Variants in TMEM200A observed in about 807,000 individuals in gnomAD.
The protein encoded by TMEM200A is transmembrane protein 200A.
In TMEM200A, 12 loss-of-function variants were observed where a neutral mutation model predicts 24.3. The observed-to-expected ratio is 0.49, with a 90% CI of 0.32 to 0.80. The LOEUF (loss-of-function observed/expected upper bound fraction) is 0.80. Ranked by LOEUF, TMEM200A falls within the 30% of genes least tolerant of loss-of-function variation. TMEM200A has a pLI of 0.04. For missense variants in TMEM200A, 545 were observed against 614.4 expected (o/e 0.89, Z 1.19); for synonymous variants, 224 against 224.4 (o/e 1.00, Z 0.02).
rs1251855657 is a variant in TMEM200A at position 130,442,192 on chromosome 6, A to C, written c.*294A>C. 2 of 265,534 alleles carry C rather than the reference A, an allele frequency of 7.5e-6. No homozygotes were observed. Among genetic ancestry groups the C allele is most frequent in the Non-Finnish European group, 1.5e-5 (2 of 131,232 alleles). 16.4% of individuals were successfully genotyped at this position (265,534 alleles called of 1,614,324 possible). A position where few individuals can be genotyped will look rare whatever the true frequency, so the allele number is the denominator to read the frequency against. ...ATTAAAGCTTATTTTCTTTACTTTTAAGTTCTTTGATTGCCCTATTCATAA... is the reference window on the plus strand; with the variant it reads ...ATTAAAGCTTATTTTCTTTACTTTTCAGTTCTTTGATTGCCCTATTCATAA... On this transcript the variant is annotated 3_prime_UTR_variant, in exon 3 of 3. Coordinates refer to ENST00000296978, the MANE Select transcript of TMEM200A (RefSeq NM_001258277.2).
At chr6:130,375,385 CTT>C (rs1778430099) in intron 1 of TMEM200A, among the ~76,000 whole-genome samples, 1 of 152,136 alleles carries the variant, frequency 6.6e-6, no homozygotes, top group South Asian at 2.1e-4. Flanking sequence ...AAAAAGTAAA[CTT>C]GGCTCAGGAG....
At chr6:130,422,222 C>T (rs1583218092) in intron 2 of TMEM200A, among the ~76,000 whole-genome samples, 1 of 152,076 alleles carries the variant, frequency 6.6e-6, no homozygotes, top group South Asian at 2.1e-4. Flanking sequence ...TATCTTTTGT[C>T]TTTTTGGTAA....
Position 130,442,721 on chromosome 6 carries a change from A to G in TMEM200A, c.*823A>G, listed in dbSNP as rs1583242617. ...ACAATGTTGACTAATGAATTAAGATACATTATATACTAGTTAATGCTAACT... is the reference window on the plus strand; with the variant it reads ...ACAATGTTGACTAATGAATTAAGATGCATTATATACTAGTTAATGCTAACT... On this transcript the variant is annotated 3_prime_UTR_variant, in exon 3 of 3. Coordinates refer to ENST00000296978, the MANE Select transcript of TMEM200A (RefSeq NM_001258277.2). The G allele has an allele frequency of 6.0e-6, 1 of 167,132 alleles. No individual in the cohort carries two copies. The highest frequency in any genetic ancestry group is 1.5e-5 in the Non-Finnish European group (1 of 68,098). The allele number at this position is 167,132 out of a possible 1,614,324, so 10.4% of individuals were successfully genotyped here. A position where few individuals can be genotyped will look rare whatever the true frequency, so the allele number is the denominator to read the frequency against.
At chr6:130,419,573 C>G (rs1779534004) in intron 2 of TMEM200A, among the ~76,000 whole-genome samples, 1 of 152,106 alleles carries the variant, frequency 6.6e-6, no homozygotes, top group African/African-American at 2.4e-5. Flanking sequence ...TGCAGCCTCT[C>G]CAGCATTCAT....
At chr6:130,416,248 G>T (rs977612621) in intron 2 of TMEM200A, among the ~76,000 whole-genome samples, 1 of 151,992 alleles carries the variant, frequency 6.6e-6, no homozygotes, top group Non-Finnish European at 1.5e-5. Flanking sequence ...ACATTATTAT[G>T]ATTCATAGTC....
chr6:130,371,442 C>G (rs1246833103), intron 1 of TMEM200A, among the ~76,000 whole-genome samples: 1 of 152,134 alleles, frequency 6.6e-6, no homozygotes, highest in Non-Finnish European at 1.5e-5. Context: ...CAAAGCCTTG[C>G]TTTAACCACT....
intron 2 of TMEM200A, among the ~76,000 whole-genome samples, chr6:130,418,424 G>A (rs944067143): frequency 7.2e-5 from 11 of 152,106 alleles, no homozygotes; most frequent in African/African-American, 2.7e-4. Flanking sequence ...GAGTGTCCCA[G>A]AGCTCAAATT....
intron 1 of TMEM200A, among the ~76,000 whole-genome samples, chr6:130,382,267 A>G (rs1006241268): frequency 3.9e-5 from 6 of 152,128 alleles, no homozygotes; most frequent in African/African-American, 1.4e-4. Flanking sequence ...GTGTGGCACA[A>G]AGTGGACACT....
chr6:130,426,464 C>A (rs78098803), intron 2 of TMEM200A, among the ~76,000 whole-genome samples: 15,359 of 146,152 alleles, frequency 0.11, 2,456 homozygotes, highest in African/African-American at 0.37. Context: ...TCTGCAGCCC[C>A]CCCCCCCTCA....
intron 2 of TMEM200A, among the ~76,000 whole-genome samples, chr6:130,434,567 C>T (rs1779955604): frequency 6.6e-6 from 1 of 151,982 alleles, no homozygotes; most frequent in Admixed American, 6.6e-5. Context: ...TGGATTAGTG[C>T]CATAAGAAGC....
intron 2 of TMEM200A, among the ~76,000 whole-genome samples, chr6:130,401,060 T>A (rs1235087700): frequency 6.6e-6 from 1 of 151,948 alleles, no homozygotes; most frequent in African/African-American, 2.4e-5. Flanking sequence ...AAATGGGGAG[T>A]GGGGATGTCT....
At chr6:130,384,257 T>C (rs1476521804) in intron 1 of TMEM200A, among the ~76,000 whole-genome samples, 1 of 152,246 alleles carries the variant, frequency 6.6e-6, no homozygotes, top group Non-Finnish European at 1.5e-5. Flanking sequence ...TTTATCATGT[T>C]ACTGAAATTT....
chr6:130,431,357 T>A (rs574904714), intron 2 of TMEM200A, among the ~76,000 whole-genome samples: 48 of 152,322 alleles, frequency 3.2e-4, no homozygotes, highest in Admixed American at 7.2e-4. Flanking sequence ...CAATTTGTGA[T>A]TTTAAATGCT....
At chr6:130,365,993 G>C, upstream of TMEM200A, 1 of 985,550 alleles carries the variant, frequency 1.0e-6, no homozygotes, top group Non-Finnish European at 1.2e-6. Flanking sequence ...GGGCTTTATG[G>C]CGTGAGGTTT....
intron 2 of TMEM200A, among the ~76,000 whole-genome samples, chr6:130,414,390 C>T (rs1469290846): frequency 6.9e-6 from 1 of 145,104 alleles, no homozygotes; most frequent in African/African-American, 2.6e-5. Context: ...TGAGATCGCG[C>T]TGCTGCACTC....
Position 130,392,645 on chromosome 6 carries a change from T to G in TMEM200A, c.-17+7409T>G, listed in dbSNP as rs372627347. 3.6e-4 allele frequency among the ~76,000 whole-genome samples: 55 copies of G among 152,338 alleles called. 1 individual carries two copies. The highest frequency in any genetic ancestry group is 1.3e-3 in the African/African-American group (54 of 41,582). ...CCAACATGCTTCTATGCCTTTGTGTTAGCTGTTCCCTCCTCTTTTTCTTCT... is the reference window on the plus strand; with the variant it reads ...CCAACATGCTTCTATGCCTTTGTGTGAGCTGTTCCCTCCTCTTTTTCTTCT... On this transcript the variant is annotated intron_variant, in intron 2 of 2. Coordinates refer to ENST00000296978, the MANE Select transcript of TMEM200A (RefSeq NM_001258277.2).
chr6:130,373,625 G>A (rs1464185750), intron 1 of TMEM200A, among the ~76,000 whole-genome samples: 2 of 152,030 alleles, frequency 1.3e-5, no homozygotes, highest in Admixed American at 6.6e-5. Context: ...ATTATAAATG[G>A]CACTTTGATG....
chr6:130,389,266 A>G (rs1174205077), intron 2 of TMEM200A, among the ~76,000 whole-genome samples: 2 of 152,136 alleles, frequency 1.3e-5, no homozygotes, highest in Admixed American at 6.6e-5. Flanking sequence ...ACACAACAAG[A>G]TATAAGTGGA....
chr6:130,429,241 G>T (rs11970098), intron 2 of TMEM200A, among the ~76,000 whole-genome samples: 1 of 152,080 alleles, frequency 6.6e-6, no homozygotes, highest in Non-Finnish European at 1.5e-5. Context: ...AAATAATGAG[G>T]CCAGGAGCAG....
Sources: gnomAD v4.1 joint callset for allele counts (sites outside exome capture counted in the v4.1 genomes callset) on GRCh38, gnomAD v4.1.1 for gene constraint, MANE v1.5 for transcripts, NCBI Gene and HGNC (gene_info 2026-07-23, HGNC 2026-07-21) for gene names.